POLR2L: variants seen among roughly 807,000 people sequenced by gnomAD.
POLR2L encodes the protein DNA-directed RNA polymerases I, II, and III subunit RPABC5.
POLR2L carries 7 observed loss-of-function variants against 6.8 expected under a neutral mutation model. That is an observed-to-expected ratio of 1.03 (90% CI 0.59 to 1.94). POLR2L has a LOEUF of 1.94. Among genes scored for constraint, POLR2L ranks in the 30% most tolerant of loss-of-function variants. The probability of loss-of-function intolerance (pLI) is 0.00; values close to 1 mark genes in which losing one functional copy is unlikely to be tolerated. For synonymous variants in POLR2L, 59 were observed against 39.8 expected (o/e 1.48, Z -1.82); for missense variants, 93 against 86.7 (o/e 1.07, Z -0.29).
In POLR2L at chr11:840,437, G is replaced by C. The variant is rs369627167; in HGVS notation, c.139C>G (p.Arg47Gly). ...AGGTCCACGTGGGCCAGCAGCATCC[G>C]GCGGCAGCAGTAGCGCTTCAGGCCC... is the stretch of plus-strand genomic sequence containing the variant. ...ALGLKRYCCR[R>G]MLLAHVDLIE... The change falls in exon 2 of 2, where the codon CGG becomes GGG. Residue 47 changes from arginine to glycine, a missense_variant. Physicochemically the swap from Arg to Gly is moderately radical, Grantham distance 125. Transcript: ENST00000322028. 2.5e-6 allele frequency: 4 copies of C among 1,612,070 alleles called. No individual in the cohort carries two copies. Among genetic ancestry groups the C allele is most frequent in the East Asian group, 2.2e-5 (1 of 44,874 alleles).
Position 839,763 on chromosome 11 carries a change from G to GCC in POLR2L, c.*607_*608dup, listed in dbSNP as rs199950610. The GCC allele has an allele frequency of 1.2e-5, 1 of 84,944 alleles. No individual in the cohort carries two copies. Among genetic ancestry groups the GCC allele is most frequent in the Non-Finnish European group, 2.8e-5 (1 of 35,200 alleles). 5.3% of individuals were successfully genotyped at this position (84,944 alleles called of 1,614,324 possible). A position where few individuals can be genotyped will look rare whatever the true frequency, so the allele number is the denominator to read the frequency against. On this transcript the variant is annotated 3_prime_UTR_variant, in exon 2 of 2. Transcript: ENST00000322028. ...AGGTTCCAGTGATCCTCCTGCCTCA[G>GCC]CCCCGAGTGGCCGGGACTACAGGTG...
At chr11:840,681 G>C (rs1846941665) in intron 1 of POLR2L, among the ~76,000 whole-genome samples, 1 of 152,202 alleles carries the variant, frequency 6.6e-6, no homozygotes, top group African/African-American at 2.4e-5. Context: ...CAGAACCCTG[G>C]GTGGAGCGTG....
At chr11:840,682 G>C (rs1388248520) in intron 1 of POLR2L, among the ~76,000 whole-genome samples, 3 of 152,242 alleles carry the variant, frequency 2.0e-5, no homozygotes, top group Non-Finnish European at 4.4e-5. Flanking sequence ...AGAACCCTGG[G>C]TGGAGCGTGA....
intron 1 of POLR2L, among the ~76,000 whole-genome samples, chr11:842,182 C>G (rs1846989409): frequency 6.6e-6 from 1 of 152,242 alleles, no homozygotes. Flanking sequence ...CAGGACACCA[C>G]TGGTTTGAAG....
chr11:842,274 G>C (rs984131479), intron 1 of POLR2L, 140 bp downstream of exon 1: 1 of 497,922 alleles, frequency 2.0e-6, no homozygotes, highest in African/African-American at 2.1e-5. Flanking sequence ...GAGAAGCCGG[G>C]CCTGAAGCTG....
At chr11:842,389 C>G in intron 1 of POLR2L, 25 bp downstream of exon 1, 1 of 1,541,730 alleles carries the variant, frequency 6.5e-7, no homozygotes, top group Non-Finnish European at 8.7e-7. Flanking sequence ...GCGGACTCAG[C>G]CCCTAGCCCC....
At position 842,450 on chromosome 11, in the gene POLR2L, G is replaced by A; in HGVS notation, c.59C>T (p.Ala20Val). 2 of 1,596,090 alleles carry A rather than the reference G, an allele frequency of 1.3e-6. No homozygotes were observed. Among genetic ancestry groups the A allele is most frequent in the Non-Finnish European group, 1.7e-6 (2 of 1,173,100 alleles). The change falls in exon 1 of 2, where the codon GCT (alanine) becomes GTT (valine). Residue 20 changes from alanine to valine, a missense_variant. Transcript: ENST00000322028. ...CGKIVGNKWEAYLGLLQAEYT... is the reference protein window; with the variant it reads ...CGKIVGNKWEVYLGLLQAEYT... ...CTCGGCCTGCAGCAGCCCCAGGTAAGCCTCCCACTTGTTGCCGACGATCTT... is the reference window on the plus strand; with the variant it reads ...CTCGGCCTGCAGCAGCCCCAGGTAAACCTCCCACTTGTTGCCGACGATCTT...
intron 1 of POLR2L, among the ~76,000 whole-genome samples, chr11:841,590 G>A (rs1846968140): frequency 6.6e-6 from 1 of 152,078 alleles, no homozygotes; most frequent in Non-Finnish European, 1.5e-5. Flanking sequence ...GGTGTGCACC[G>A]CCATGTCCGG....
rs1049761011 is a variant in POLR2L at position 840,135 on chromosome 11, G to A, written c.*237C>T. ...AGTTCATGGCCCAGTCTGCTTCACT[G>A]GGCTGCCACAGTGTGAAAGCTGGGC... On this transcript the variant is annotated 3_prime_UTR_variant, in exon 2 of 2. Transcript: ENST00000322028. 6 of 468,158 alleles carry A rather than the reference G, an allele frequency of 1.3e-5. No homozygotes were observed. Among genetic ancestry groups the A allele is most frequent in the Non-Finnish European group, 2.3e-5 (6 of 262,714 alleles). The allele number at this position is 468,158 out of a possible 1,614,324, so 29.0% of individuals were successfully genotyped here. A position where few individuals can be genotyped will look rare whatever the true frequency, so the allele number is the denominator to read the frequency against.
rs966051447 is a variant in POLR2L at position 840,252 on chromosome 11, G to T, written c.*120C>A. 10 of 679,014 alleles carry T rather than the reference G, an allele frequency of 1.5e-5. No homozygotes were observed. In the African/African-American group the frequency reaches 1.8e-4, roughly 12 times the overall value. The allele number at this position is 679,014 out of a possible 1,614,324, so 42.1% of individuals were successfully genotyped here. ...ATGGTTCCTTCCAGAGTGGGGTATCGGATACACACACACTGCGGCCAGGCA... is the reference window on the plus strand; with the variant it reads ...ATGGTTCCTTCCAGAGTGGGGTATCTGATACACACACACTGCGGCCAGGCA... On this transcript the variant is annotated 3_prime_UTR_variant, in exon 2 of 2. Coordinates refer to ENST00000322028, the MANE Select transcript of POLR2L (RefSeq NM_021128.5).
chr11:839,822 G>T lies in POLR2L; in HGVS notation c.*550C>A, dbSNP rs1387722309. Reference sequence around the variant, plus strand: ...GTGCCCAGCTAATTTATTAAATTTTGTTGTAGAGATGGGGTCTCATTATGA... The same window carrying T: ...GTGCCCAGCTAATTTATTAAATTTTTTTGTAGAGATGGGGTCTCATTATGA... On this transcript the variant is annotated 3_prime_UTR_variant, in exon 2 of 2. Coordinates refer to ENST00000322028, the MANE Select transcript of POLR2L (RefSeq NM_021128.5). 1 of 152,458 alleles carries T rather than the reference G, an allele frequency of 6.6e-6. No individual in the cohort carries two copies. The highest frequency in any genetic ancestry group is 1.5e-5 in the Non-Finnish European group (1 of 68,246). The allele number at this position is 152,458 out of a possible 1,614,324, so 9.4% of individuals were successfully genotyped here.
intron 1 of POLR2L, 134 bp from the exon 2 acceptor site, chr11:840,614 C>A: frequency 1.6e-6 from 1 of 635,392 alleles, no homozygotes; most frequent in South Asian, 1.8e-5. Context: ...CAGATTCACC[C>A]GGCTCAGAAG....
At position 840,111 on chromosome 11, in the gene POLR2L, G is replaced by A. The variant is rs2133966342; in HGVS notation, c.*261C>T. The A allele has an allele frequency of 2.4e-6, 1 of 423,282 alleles. No individual in the cohort carries two copies. Among genetic ancestry groups the A allele is most frequent in the Non-Finnish European group, 4.2e-6 (1 of 235,352 alleles). 26.2% of individuals were successfully genotyped at this position (423,282 alleles called of 1,614,324 possible). The stretch of plus-strand genomic sequence containing the variant: ...ACAGGCTGGCCCCAGGGCTAGGAGA[G>A]TTCATGGCCCAGTCTGCTTCACTGG... On this transcript the variant is annotated 3_prime_UTR_variant, in exon 2 of 2. Coordinates refer to ENST00000322028, the MANE Select transcript of POLR2L (RefSeq NM_021128.5).
chr11:842,499 G>T lies in POLR2L; in HGVS notation c.10C>A (p.Pro4Thr). The change falls in exon 1 of 2, where the codon CCT becomes ACT. Residue 4 changes from proline to threonine, a missense_variant. Coordinates refer to ENST00000322028, the MANE Select transcript of POLR2L (RefSeq NM_021128.5). MII[P>T]VRCFTCGKIV... ...TTGCCACAAGTGAAGCAGCGTACAG[G>T]GATGATCATGGCGGCGGCGCGTCCC... 6.3e-7 allele frequency: 1 copy of T among 1,580,756 alleles called. No individual in the cohort carries two copies. Among genetic ancestry groups the T allele is most frequent in the Non-Finnish European group, 8.6e-7 (1 of 1,165,960 alleles).
chr11:842,409 C>T lies in POLR2L; in HGVS notation c.95+5G>A, dbSNP rs764990256. On this transcript the variant is annotated splice_donor_5th_base_variant and intron_variant, in intron 1 of 1. Coordinates refer to ENST00000322028, the MANE Select transcript of POLR2L (RefSeq NM_021128.5). ...CTCAGCCCCTAGCCCCGGCCCGCGC[C>T]TCACCCCTCGGTGTACTCGGCCTGC... 1 of 1,577,554 alleles carries T rather than the reference C, an allele frequency of 6.3e-7. No individual in the cohort carries two copies. The highest frequency in any genetic ancestry group is 8.6e-7 in the Non-Finnish European group (1 of 1,164,660).
intron 1 of POLR2L, among the ~76,000 whole-genome samples, chr11:841,114 G>T (rs1590213293): frequency 6.6e-6 from 1 of 152,246 alleles, no homozygotes; most frequent in East Asian, 1.9e-4. Flanking sequence ...GCTTGGGAAA[G>T]GGGAGGCCAC....
chr11:841,896 C>T (rs1231297352), intron 1 of POLR2L, among the ~76,000 whole-genome samples: 2 of 152,130 alleles, frequency 1.3e-5, no homozygotes, highest in African/African-American at 4.8e-5. Flanking sequence ...GAGACTCCGT[C>T]TCAAAAAAGA....
At chr11:842,089 G>A (rs1223860942) in intron 1 of POLR2L, among the ~76,000 whole-genome samples, 8 of 131,674 alleles carry the variant, frequency 6.1e-5, no homozygotes, top group Admixed American at 7.2e-5. Flanking sequence ...GGGCCTGGGG[G>A]CAGAGATGGG....
In POLR2L at chr11:840,352, G is replaced by A. The variant is rs1846928152; in HGVS notation, c.*20C>T. ...TCAGGGCCCATGGTCAGCACAGCGG[G>A]TGGGTGGGTTCCAGCGTGGTCACTT... On this transcript the variant is annotated 3_prime_UTR_variant, in exon 2 of 2. Transcript: ENST00000322028. The A allele has an allele frequency of 1.3e-6, 2 of 1,492,270 alleles. No individual in the cohort carries two copies. Among genetic ancestry groups the A allele is most frequent in the South Asian group, 2.3e-5 (2 of 86,480 alleles). The allele number at this position is 1,492,270 out of a possible 1,614,324, so 92.4% of individuals were successfully genotyped here. A position where few individuals can be genotyped will look rare whatever the true frequency, so the allele number is the denominator to read the frequency against.
Sources: allele counts gnomAD v4.1 joint callset (sites outside exome capture counted in the v4.1 genomes callset), GRCh38; gene constraint gnomAD v4.1.1; transcripts MANE v1.5; gene names NCBI Gene and HGNC (gene_info 2026-07-23, HGNC 2026-07-21).